Variants in CCM2L observed in about 807,000 individuals in gnomAD.
The protein encoded by CCM2L is CCM2 like scaffold protein, also known as cerebral cavernous malformations 2 protein-like.
In CCM2L, 36 loss-of-function variants were observed where a neutral mutation model predicts 54.1. The observed-to-expected ratio is 0.67, with a 90% CI of 0.51 to 0.88. CCM2L has a LOEUF of 0.88. CCM2L is among the 40% of genes least tolerant of loss of function. The pLI, the probability that CCM2L is intolerant of heterozygous loss-of-function variation, is 0.00. For synonymous variants in CCM2L, 351 were observed against 359.3 expected (o/e 0.98, Z 0.26); for missense variants, 700 against 812.1 (o/e 0.86, Z 1.68).
Position 32,031,806 on chromosome 20 carries a change from A to G in CCM2L, c.*492A>G, listed in dbSNP as rs1464757437. ...CTCCTGATTCTCCTTATATGACCTC[A>G]AACTGACCATACTAAACAGTGTAGA... is the stretch of plus-strand genomic sequence containing the variant. On this transcript the variant is annotated 3_prime_UTR_variant, in exon 10 of 10. Coordinates refer to ENST00000452892, the MANE Select transcript of CCM2L (RefSeq NM_001365692.1). 1 of 160,034 alleles carries G rather than the reference A, an allele frequency of 6.2e-6. No homozygotes were observed. Among genetic ancestry groups the G allele is most frequent in the Admixed American group, 6.4e-5 (1 of 15,546 alleles). The allele number at this position is 160,034 out of a possible 1,614,324, so 9.9% of individuals were successfully genotyped here.
chr20:32,017,947 C>T (rs1438225016), intron 3 of CCM2L, 32 bp from the exon 4 acceptor site: 2 of 1,613,334 alleles, frequency 1.2e-6, no homozygotes, highest in East Asian at 2.2e-5. Context: ...ACCTGCGGAC[C>T]TCGGGAACTC....
intron 1 of CCM2L, among the ~76,000 whole-genome samples, chr20:32,014,246 C>CATAT (rs572945733): frequency 0.035 from 4,814 of 137,326 alleles, 114 homozygotes; most frequent in Middle Eastern, 0.09. Flanking sequence ...TATGTGTGTA[C>CATAT]ATATATATAT....
chr20:32,030,845 T>A, intron 9 of CCM2L, 156 bp from the exon 10 acceptor site: 1 of 429,748 alleles, frequency 2.3e-6, no homozygotes, highest in Admixed American at 3.8e-5. Context: ...CGCTGTGTCG[T>A]TATTCGCTGG....
At chr20:32,026,792 C>T (rs1477211809) in intron 7 of CCM2L, among the ~76,000 whole-genome samples, 3 of 151,494 alleles carry the variant, frequency 2.0e-5, no homozygotes, top group African/African-American at 4.9e-5. Flanking sequence ...AGGAGAATGG[C>T]GTGAACCCAG....
chr20:32,013,538 C>T (rs1028708077), intron 1 of CCM2L, among the ~76,000 whole-genome samples: 13 of 152,202 alleles, frequency 8.5e-5, no homozygotes, highest in African/African-American at 3.1e-4. Flanking sequence ...ACCTCCCAGG[C>T]TCAGGTGATC....
rs113494475 is a variant in CCM2L at position 32,026,662 on chromosome 20, G to A, written c.1133+743G>A. On this transcript the variant is annotated intron_variant, in intron 7 of 9. Transcript: ENST00000452892. ...AGGCTGAGGCAGGTGGATCGCTTGA[G>A]CCTGGGAGTTCCAAACCATCCTGGG... 9.7e-3 allele frequency among the ~76,000 whole-genome samples: 1,470 copies of A among 152,178 alleles called. 13 individuals carry two copies. Among genetic ancestry groups the A allele is most frequent in the Middle Eastern group, 0.017 (5 of 294 alleles).
chr20:32,025,378 TC>T, intron 6 of CCM2L, among the ~76,000 whole-genome samples: 1 of 151,970 alleles, frequency 6.6e-6, no homozygotes. Context: ...AAGCAGTCCT[TC>T]TATGTCAGCC....
intron 4 of CCM2L, 35 bp downstream of exon 4, chr20:32,018,197 G>GGGGGCGGGGGCGGGGGA (rs745587877): frequency 1.0e-5 from 3 of 289,202 alleles, no homozygotes; most frequent in Non-Finnish European, 1.8e-5. Context: ...GGGGAGGGGC[G>GGGGGCGGGGGCGGGGGA]GGGGCGGGGG....
Position 32,031,529 on chromosome 20 carries a change from T to A in CCM2L, c.*215T>A. The A allele has an allele frequency of 3.2e-6, 1 of 317,442 alleles. No homozygotes were observed. The highest frequency in any genetic ancestry group is 1.1e-4 in the East Asian group (1 of 8,766). 19.7% of individuals were successfully genotyped at this position (317,442 alleles called of 1,614,324 possible). ...AGCCGGGCCCTGAAGTCCGGGGCAGTCACCCGGGGCTCCTGGGCCGCTCTG... is the reference window on the plus strand; with the variant it reads ...AGCCGGGCCCTGAAGTCCGGGGCAGACACCCGGGGCTCCTGGGCCGCTCTG... On this transcript the variant is annotated 3_prime_UTR_variant, in exon 10 of 10. Transcript: ENST00000452892.
chr20:32,017,948 T>A, intron 3 of CCM2L, 31 bp from the exon 4 acceptor site: 1 of 1,613,146 alleles, frequency 6.2e-7, no homozygotes. Context: ...CCTGCGGACC[T>A]CGGGAACTCG....
intron 1 of CCM2L, among the ~76,000 whole-genome samples, chr20:32,011,005 T>C (rs1271936716): frequency 6.6e-6 from 1 of 152,236 alleles, no homozygotes; most frequent in Non-Finnish European, 1.5e-5. Flanking sequence ...TCACCCCTTC[T>C]GACTCTGAAG....
In CCM2L at chr20:32,029,098, G is replaced by A. The variant is rs1471788596; in HGVS notation, c.1237G>A (p.Glu413Lys). The change falls in exon 8 of 10, where the codon GAG becomes AAG. Residue 413 changes from glutamate to lysine, a missense_variant. By Grantham distance (56) the Glu-to-Lys change is moderately conservative (BLOSUM62 1). Coordinates refer to ENST00000452892, the MANE Select transcript of CCM2L (RefSeq NM_001365692.1). ...CAGCGACCACAGCAGTCTGGGCTTG[G>A]AGCAGTTACAGGATTACATGGTCAC... ...SGSDHSSLGL[E>K]QLQDYMVTLR... The A allele has an allele frequency of 6.2e-7, 1 of 1,614,060 alleles. No individual in the cohort carries two copies. Among genetic ancestry groups the A allele is most frequent in the Non-Finnish European group, 8.5e-7 (1 of 1,180,042 alleles).
At chr20:32,028,822 C>T in intron 7 of CCM2L, 173 bp from the exon 8 acceptor site, 2 of 775,638 alleles carry the variant, frequency 2.6e-6, no homozygotes, top group Non-Finnish European at 4.1e-6. Context: ...GCACAAAGAG[C>T]AAAGGCAAAG....
intron 5 of CCM2L, among the ~76,000 whole-genome samples, chr20:32,020,812 C>T (rs112431085): frequency 0.031 from 4,716 of 152,162 alleles, 113 homozygotes; most frequent in Non-Finnish European, 0.047. Flanking sequence ...TGGTGAAACC[C>T]GTCTCTACGA....
At chr20:32,020,515 A>G (rs12479792) in intron 5 of CCM2L, among the ~76,000 whole-genome samples, 13,551 of 152,142 alleles carry the variant, frequency 0.089, 806 homozygotes, top group Admixed American at 0.16. Context: ...AACCCAACAC[A>G]TCCAAAACTG....
intron 1 of CCM2L, among the ~76,000 whole-genome samples, chr20:32,011,101 C>A (rs1460972344): frequency 6.6e-6 from 1 of 152,068 alleles, no homozygotes; most frequent in Non-Finnish European, 1.5e-5. Context: ...ATCTTACCCC[C>A]ATTTCCACCC....
At chr20:32,027,233 A>G (rs1156649215) in intron 7 of CCM2L, among the ~76,000 whole-genome samples, 4 of 152,228 alleles carry the variant, frequency 2.6e-5, no homozygotes, top group Non-Finnish European at 4.4e-5. Context: ...TTTGGCATGT[A>G]GCAGTCTCTG....
intron 8 of CCM2L, 104 bp from the exon 9 acceptor site, chr20:32,029,596 A>C: frequency 7.1e-7 from 1 of 1,411,492 alleles, no homozygotes; most frequent in Non-Finnish European, 9.4e-7. Flanking sequence ...TTTTCAGAGG[A>C]GAGCTGGACC....
chr20:32,016,536 A>G (rs1198261957), intron 2 of CCM2L, among the ~76,000 whole-genome samples: 1 of 151,980 alleles, frequency 6.6e-6, no homozygotes, highest in Non-Finnish European at 1.5e-5. Context: ...GGTGCCTGTA[A>G]TCCCAGCTAC....
Sources: gnomAD v4.1 joint callset for allele counts (sites outside exome capture counted in the v4.1 genomes callset) on GRCh38, gnomAD v4.1.1 for gene constraint, MANE v1.5 for transcripts, NCBI Gene and HGNC (gene_info 2026-07-23, HGNC 2026-07-21) for gene names.